Variants in ZSWIM2 observed in about 807,000 individuals in gnomAD.
ZSWIM2 encodes E3 ubiquitin-protein ligase ZSWIM2.
In ZSWIM2, 38 loss-of-function variants were observed where a neutral mutation model predicts 48.4. The ratio of observed to expected loss-of-function variants is 0.79; its 90% CI spans 0.61 to 1.03. The LOEUF (loss-of-function observed/expected upper bound fraction) is 1.03. ZSWIM2 is among the 50% of genes least tolerant of loss of function. The pLI, the probability that ZSWIM2 is intolerant of heterozygous loss-of-function variation, is 0.00. For synonymous variants in ZSWIM2, 240 were observed against 251.3 expected, an observed-to-expected ratio of 0.96 and a Z score of 0.42; for missense variants, 776 against 730.2, an observed-to-expected ratio of 1.06 and a Z score of -0.72.
intron 7 of ZSWIM2, 24 bp from the exon 8 acceptor site, chr2:186,829,904 T>G (rs541479680): frequency 6.8e-6 from 11 of 1,612,326 alleles, no homozygotes; most frequent in Non-Finnish European, 8.5e-7. Context: ...AGCAGAGACA[T>G]GAGTGTTTAC....
intron 4 of ZSWIM2, among the ~76,000 whole-genome samples, chr2:186,838,225 A>T (rs947926166): frequency 1.8e-5 from 2 of 112,128 alleles, no homozygotes; most frequent in Non-Finnish European, 3.5e-5. Flanking sequence ...AAAGTATAAT[A>T]AAAAAATTAA....
intron 2 of ZSWIM2, among the ~76,000 whole-genome samples, chr2:186,847,148 C>T (rs533431472): frequency 1.3e-5 from 2 of 151,804 alleles, no homozygotes; most frequent in African/African-American, 4.8e-5. Flanking sequence ...ATGTAAGAAA[C>T]CTGAACTTTT....
At chr2:186,830,395 A>T (rs1691677417) in intron 7 of ZSWIM2, among the ~76,000 whole-genome samples, 1 of 152,154 alleles carries the variant, frequency 6.6e-6, no homozygotes, top group South Asian at 2.1e-4. Flanking sequence ...GAGAAAAAAA[A>T]GTTTTAAGTA....
intron 4 of ZSWIM2, 125 bp from the exon 5 acceptor site, chr2:186,837,679 C>T (rs563613727): frequency 4.7e-5 from 14 of 296,726 alleles, no homozygotes; most frequent in African/African-American, 1.4e-4. Context: ...ATCTTTATTC[C>T]ACAAAAAAAT....
At chr2:186,832,043 C>G (rs975345301) in intron 7 of ZSWIM2, among the ~76,000 whole-genome samples, 7 of 152,090 alleles carry the variant, frequency 4.6e-5, no homozygotes, top group Non-Finnish European at 1.0e-4. Flanking sequence ...AAAGTTGTCT[C>G]TTTTCTATGT....
intron 7 of ZSWIM2, among the ~76,000 whole-genome samples, chr2:186,831,624 C>A (rs1437688173): frequency 6.6e-6 from 1 of 151,682 alleles, no homozygotes; most frequent in Non-Finnish European, 1.5e-5. Context: ...TGGAACCAAC[C>A]CAAATGTCCA....
rs756412943 is a variant in ZSWIM2 at position 186,828,190 on chromosome 2, C to A, written c.1696G>T (p.Asp566Tyr). Residue 566 changes from aspartate to tyrosine, a missense_variant, in exon 9 of 9, where the codon GAC (aspartate) becomes TAC (tyrosine). Asp to Tyr is a radical substitution (Grantham distance 160). Transcript: ENST00000295131. ...KKTPATKIRE[D>Y]NKRSTLLPED... Reference sequence around the variant, plus strand: ...GGAAGTAAAGTTGATCTCTTGTTGTCCTCTCTTATTTTAGTGGCAGGAGTC... The same window carrying A: ...GGAAGTAAAGTTGATCTCTTGTTGTACTCTCTTATTTTAGTGGCAGGAGTC... 1.6e-5 allele frequency: 26 copies of A among 1,613,528 alleles called. No individual in the cohort carries two copies. Among genetic ancestry groups the A allele is most frequent in the Non-Finnish European group, 2.2e-5 (26 of 1,179,732 alleles).
intron 7 of ZSWIM2, among the ~76,000 whole-genome samples, chr2:186,830,540 C>T (rs1263309560): frequency 6.6e-6 from 1 of 152,086 alleles, no homozygotes; most frequent in Non-Finnish European, 1.5e-5. Context: ...TAGAAAAATA[C>T]AACCCAATTT....
intron 6 of ZSWIM2, among the ~76,000 whole-genome samples, 168 bp downstream of exon 6, chr2:186,833,778 G>T (rs928341141): frequency 6.6e-6 from 1 of 152,070 alleles, no homozygotes; most frequent in Admixed American, 6.6e-5. Context: ...TGGTTGCTTT[G>T]TGCATCCTTA....
At position 186,839,025 on chromosome 2, in the gene ZSWIM2, G is replaced by C. The variant is rs1255131677; in HGVS notation, c.428C>G (p.Ser143Ter). The change falls in exon 4 of 9, where the codon TCA (serine) becomes TGA (stop). Residue 143 changes from serine to a stop codon, truncating the protein, a stop_gained. Transcript: ENST00000295131. LOFTEE classifies it high-confidence loss of function. ...TTGACAAATAGAGCAGATATCCTCT[G>C]AATCAATTTCCTTCTGTTTAATGTA... ...DGYIKQKEIDSEDICSICQEL... is the reference protein window; with the variant it reads ...DGYIKQKEID 2.5e-6 allele frequency: 4 copies of C among 1,611,640 alleles called. No individual in the cohort carries two copies. Among genetic ancestry groups the C allele is most frequent in the Non-Finnish European group, 3.4e-6 (4 of 1,178,310 alleles).
At position 186,827,767 on chromosome 2, in the gene ZSWIM2, A is replaced by AT. The variant is rs1691622241; in HGVS notation, c.*216dup. On this transcript the variant is annotated 3_prime_UTR_variant, in exon 9 of 9. Coordinates refer to ENST00000295131, the MANE Select transcript of ZSWIM2 (RefSeq NM_182521.3). Reference sequence around the variant, plus strand: ...AGGCTCTAAAAATTATTCATTATTTATAACATCCTGAATATATTCATGAAG... The same window carrying AT: ...AGGCTCTAAAAATTATTCATTATTTATTAACATCCTGAATATATTCATGAAG... 6.4e-6 allele frequency: 2 copies of AT among 311,248 alleles called. No individual in the cohort carries two copies. The highest frequency in any genetic ancestry group is 9.2e-5 in the Admixed American group (2 of 21,654). 19.3% of individuals were successfully genotyped at this position (311,248 alleles called of 1,614,324 possible). A position where few individuals can be genotyped will look rare whatever the true frequency, so the allele number is the denominator to read the frequency against.
In ZSWIM2 at chr2:186,833,241, G is replaced by C. The variant is rs750347433; in HGVS notation, c.829-9C>G. 7.4e-7 allele frequency: 1 copy of C among 1,357,784 alleles called. No individual in the cohort carries two copies. Among genetic ancestry groups the C allele is most frequent in the Non-Finnish European group, 1.0e-6 (1 of 993,912 alleles). The allele number at this position is 1,357,784 out of a possible 1,614,324, so 84.1% of individuals were successfully genotyped here. A position where few individuals can be genotyped will look rare whatever the true frequency, so the allele number is the denominator to read the frequency against. The stretch of plus-strand genomic sequence containing the variant: ...CATTTTTGGTTTCTTTTCTGTAATA[G>C]GTAAAAGTAGATGTTACTTTGCAAA... On this transcript the variant is annotated splice_polypyrimidine_tract_variant and intron_variant, in intron 6 of 8. Transcript: ENST00000295131.
intron 3 of ZSWIM2, among the ~76,000 whole-genome samples, chr2:186,843,442 T>C (rs1212978989): frequency 6.6e-6 from 1 of 151,440 alleles, no homozygotes; most frequent in Non-Finnish European, 1.5e-5. Context: ...CTACACAGAA[T>C]GGTACTAAGG....
intron 2 of ZSWIM2, among the ~76,000 whole-genome samples, chr2:186,845,258 A>T (rs1441378638): frequency 6.6e-6 from 1 of 151,498 alleles, no homozygotes; most frequent in Non-Finnish European, 1.5e-5. Context: ...TTATTCAAAG[A>T]TACTAAATAT....
In ZSWIM2 at chr2:186,849,160, C is replaced by T. The variant is rs1308404262; in HGVS notation, c.-30G>A. 1.9e-6 allele frequency: 3 copies of T among 1,582,834 alleles called. No homozygotes were observed. Among genetic ancestry groups the T allele is most frequent in the Non-Finnish European group, 2.6e-6 (3 of 1,161,286 alleles). On this transcript the variant is annotated 5_prime_UTR_variant, in exon 1 of 9. Transcript: ENST00000295131. ...GGTGCGGGCGGAGGCGGCCCCTCTG[C>T]TCGGCTCACTGAGGCGCCAGCCGGT...
chr2:186,833,206 T>C lies in ZSWIM2; in HGVS notation c.855A>G (p.Leu285=). Residue 285 remains leucine (L), a synonymous_variant, in exon 7 of 9, where the codon CTA becomes CTG. Coordinates refer to ENST00000295131, the MANE Select transcript of ZSWIM2 (RefSeq NM_182521.3). ...TTACAACTTCATCTGCTCTTTTTTC[T>C]AGTGATCTCCATTTTTGGTTTCTTT... ...REKRNQKWRS[L]EKRADEVVKY... 8 of 1,541,876 alleles carry C rather than the reference T, an allele frequency of 5.2e-6. No homozygotes were observed. The highest frequency in any genetic ancestry group is 7.0e-6 in the Non-Finnish European group (8 of 1,144,540).
At position 186,847,809 on chromosome 2, in the gene ZSWIM2, A is replaced by C; in HGVS notation, c.166-14T>G. ...TCCTAGAAAAACCTTTAAAGGAAAA[A>C]TGCATACTTAAAAAGACCAGTAAAA... On this transcript the variant is annotated splice_polypyrimidine_tract_variant and intron_variant, in intron 1 of 8. Transcript: ENST00000295131. 6.3e-7 allele frequency: 1 copy of C among 1,595,560 alleles called. No homozygotes were observed. The highest frequency in any genetic ancestry group is 8.6e-7 in the Non-Finnish European group (1 of 1,168,644).
At chr2:186,833,305 G>T (rs996198227) in intron 6 of ZSWIM2, 73 bp from the exon 7 acceptor site, 3 of 686,042 alleles carry the variant, frequency 4.4e-6, no homozygotes, top group Non-Finnish European at 7.3e-6. Context: ...AAATTAGTTG[G>T]TTGCGTATCA....
intron 3 of ZSWIM2, 70 bp from the exon 4 acceptor site, chr2:186,839,239 C>A (rs1413286290): frequency 7.2e-7 from 1 of 1,384,266 alleles, no homozygotes; most frequent in Non-Finnish European, 1.0e-6. Context: ...ACAACTTATG[C>A]TGAAAGTTAG....
Sources: allele counts gnomAD v4.1 joint callset (sites outside exome capture counted in the v4.1 genomes callset), GRCh38; gene constraint gnomAD v4.1.1; transcripts MANE v1.5; gene names NCBI Gene and HGNC (gene_info 2026-07-23, HGNC 2026-07-21).